SOX5: variants seen among roughly 807,000 people sequenced by gnomAD.
SOX5 encodes the protein SRY-box transcription factor 5, also known as transcription factor SOX-5.
In SOX5, 9 loss-of-function variants were observed where a neutral mutation model predicts 92.0. The ratio of observed to expected loss-of-function variants is 0.10; its 90% CI spans 0.06 to 0.17. SOX5 has a LOEUF of 0.17. Ranked by LOEUF, SOX5 falls within the 10% of genes least tolerant of loss-of-function variation. The pLI, the probability that SOX5 is intolerant of heterozygous loss-of-function variation, is 1.00. For missense variants in SOX5, 642 were observed against 944.5 expected (o/e 0.68, Z 4.20); for synonymous variants, 344 against 336.3 (o/e 1.02, Z -0.25).
intron 11 of SOX5, among the ~76,000 whole-genome samples, chr12:23,557,561 A>T (rs1945398834): frequency 1.3e-5 from 2 of 152,234 alleles, no homozygotes; most frequent in South Asian, 4.1e-4. Flanking sequence ...GTTGGTCTTA[A>T]CATGTATACG....
intron 1 of SOX5, among the ~76,000 whole-genome samples, chr12:24,451,640 G>A (rs1942321177): frequency 6.6e-6 from 1 of 152,156 alleles, no homozygotes; most frequent in African/African-American, 2.4e-5. Context: ...GACACCTGAA[G>A]AGTGATTAAG....
At chr12:23,872,250 G>C (rs1284560866) in intron 2 of SOX5, among the ~76,000 whole-genome samples, 1 of 141,858 alleles carries the variant, frequency 7.0e-6, no homozygotes, top group African/African-American at 2.6e-5. Context: ...CTGACCTCGT[G>C]ATCCGCCCGC....
intron 2 of SOX5, among the ~76,000 whole-genome samples, chr12:23,882,904 G>C (rs112812972): frequency 6.6e-6 from 1 of 152,166 alleles, no homozygotes; most frequent in East Asian, 1.9e-4. Flanking sequence ...ATGATAGGGC[G>C]GGCGTGGTGG....
At chr12:24,157,185 C>T (rs1270542065) in intron 4 of SOX5, among the ~76,000 whole-genome samples, 5 of 151,980 alleles carry the variant, frequency 3.3e-5, no homozygotes, top group South Asian at 2.1e-4. Context: ...CGTGGCATTC[C>T]TATACATAGT....
intron 9 of SOX5, 81 bp from the exon 10 acceptor site, chr12:23,575,919 T>A: frequency 2.0e-6 from 2 of 1,007,762 alleles, no homozygotes; most frequent in Non-Finnish European, 2.9e-6. Context: ...ATGCAGCCTG[T>A]CATTTCCCAT....
intron 3 of SOX5, among the ~76,000 whole-genome samples, chr12:24,275,098 G>A (rs542679960): frequency 6.6e-6 from 1 of 152,132 alleles, no homozygotes; most frequent in Admixed American, 6.5e-5. Context: ...TCCTTGAACA[G>A]AGATATATAT....
chr12:24,093,345 C>T (rs1944896977), intron 4 of SOX5, among the ~76,000 whole-genome samples: 10 of 151,894 alleles, frequency 6.6e-5, no homozygotes, highest in Admixed American at 6.6e-4. Context: ...CACGGTGAAA[C>T]CCCGTCTCTA....
At chr12:24,153,150 T>C (rs971230739) in intron 4 of SOX5, among the ~76,000 whole-genome samples, 2 of 152,138 alleles carry the variant, frequency 1.3e-5, no homozygotes, top group African/African-American at 4.8e-5. Context: ...CATTGTGCTT[T>C]CAATTTAACA....
chr12:24,411,435 T>C (rs1350630265), intron 1 of SOX5, among the ~76,000 whole-genome samples: 1 of 152,204 alleles, frequency 6.6e-6, no homozygotes, highest in Non-Finnish European at 1.5e-5. Context: ...AGTATAATGT[T>C]AGCTGTAGAT....
At chr12:24,449,372 A>C (rs1941947529) in intron 1 of SOX5, among the ~76,000 whole-genome samples, 1 of 152,160 alleles carries the variant, frequency 6.6e-6, no homozygotes, top group African/African-American at 2.4e-5. Context: ...TTCTCCCTTG[A>C]GGATACTGAA....
intron 1 of SOX5, among the ~76,000 whole-genome samples, chr12:23,911,812 A>G (rs2097355104): frequency 6.6e-6 from 1 of 152,146 alleles, no homozygotes; most frequent in Non-Finnish European, 1.5e-5. Flanking sequence ...ATTGGACCGT[A>G]GACATATATG....
At chr12:23,689,337 C>A (rs2088301346) in intron 6 of SOX5, among the ~76,000 whole-genome samples, 1 of 152,062 alleles carries the variant, frequency 6.6e-6, no homozygotes, top group Non-Finnish European at 1.5e-5. Flanking sequence ...AAAAGCTTGG[C>A]AAATGTGATA....
At chr12:23,627,119 G>T (rs1418251348) in intron 8 of SOX5, among the ~76,000 whole-genome samples, 2 of 152,084 alleles carry the variant, frequency 1.3e-5, no homozygotes, top group East Asian at 3.9e-4. Context: ...CAAATTTCCA[G>T]TAACACAATG....
chr12:23,833,723 AAAG>A (rs1465269747), intron 3 of SOX5, among the ~76,000 whole-genome samples: 1 of 152,036 alleles, frequency 6.6e-6, no homozygotes, highest in Non-Finnish European at 1.5e-5. Flanking sequence ...AAAAAAATGA[AAAG>A]AAATGATCTT....
chr12:24,313,414 C>A (rs561795506), intron 2 of SOX5, among the ~76,000 whole-genome samples: 2 of 152,154 alleles, frequency 1.3e-5, no homozygotes, highest in African/African-American at 2.4e-5. Context: ...CCTGTATTCC[C>A]AGCTACTCAG....
intron 4 of SOX5, among the ~76,000 whole-genome samples, chr12:24,104,224 T>C (rs1946415664): frequency 6.6e-6 from 1 of 152,156 alleles, no homozygotes; most frequent in Non-Finnish European, 1.5e-5. Flanking sequence ...TACATAGAAA[T>C]TAGAAAATAT....
chr12:23,800,497 G>T (rs2095640966), intron 3 of SOX5, among the ~76,000 whole-genome samples: 1 of 151,116 alleles, frequency 6.6e-6, no homozygotes, highest in Non-Finnish European at 1.5e-5. Context: ...GTGAGAGACG[G>T]TAATATTTCA....
chr12:23,601,766 T>C (rs2074525053), intron 9 of SOX5, among the ~76,000 whole-genome samples: 1 of 152,186 alleles, frequency 6.6e-6, no homozygotes, highest in African/African-American at 2.4e-5. Context: ...TGTATTTTTT[T>C]GGCCATGTTC....
intron 3 of SOX5, among the ~76,000 whole-genome samples, chr12:24,267,225 C>G (rs1332272369): frequency 6.6e-6 from 1 of 151,960 alleles, no homozygotes; most frequent in Non-Finnish European, 1.5e-5. Context: ...GACCCTGTCT[C>G]AAAAACAAAA....
Sources: allele counts gnomAD v4.1 joint callset (sites outside exome capture counted in the v4.1 genomes callset), GRCh38; gene constraint gnomAD v4.1.1; transcripts MANE v1.5; gene names NCBI Gene and HGNC (gene_info 2026-07-23, HGNC 2026-07-21).